GRID2IP: variants seen among roughly 807,000 people sequenced by gnomAD.
GRID2IP encodes Grid2 interacting protein, also known as delphilin.
In GRID2IP, 78 loss-of-function variants were observed where a neutral mutation model predicts 114.3. The observed-to-expected ratio is 0.68, with a 90% CI of 0.57 to 0.82. The LOEUF is 0.82. GRID2IP is among the 40% of genes least tolerant of loss of function. The probability of loss-of-function intolerance (pLI) is 0.00; values close to 1 mark genes in which losing one functional copy is unlikely to be tolerated. For synonymous variants in GRID2IP, 809 were observed against 724.0 expected (o/e 1.12, Z -1.89); for missense variants, 1,727 against 1,678.5 (o/e 1.03, Z -0.51).
Position 6,507,922 on chromosome 7 carries a change from C to T in GRID2IP, c.2544+63G>A, listed in dbSNP as rs1786641533. ...GATGCCTGGCCGATGGGTTTTCCTT[C>T]AGTGCTGCTGCCCAAGCCATCCTCC... On this transcript the variant is annotated intron_variant, in intron 13 of 21. Coordinates refer to ENST00000457091, the MANE Select transcript of GRID2IP (RefSeq NM_001145118.2). The surrounding 1 kb of genome is among the most constrained non-coding windows in gnomAD (Gnocchi z 5.3). 2.0e-6 allele frequency: 3 copies of T among 1,533,318 alleles called. No individual in the cohort carries two copies. Among genetic ancestry groups the T allele is most frequent in the Non-Finnish European group, 1.8e-6 (2 of 1,139,268 alleles). 95.0% of individuals were successfully genotyped at this position (1,533,318 alleles called of 1,614,324 possible). A position where few individuals can be genotyped will look rare whatever the true frequency, so the allele number is the denominator to read the frequency against.
chr7:6,530,659 G>A (rs1365916571), intron 2 of GRID2IP, among the ~76,000 whole-genome samples: 1 of 152,144 alleles, frequency 6.6e-6, no homozygotes, highest in African/African-American at 2.4e-5. Context: ...TTCAGTATAG[G>A]GAGCACGGCA....
In GRID2IP at chr7:6,526,273, G is replaced by T; in HGVS notation, c.870C>A (p.Gly290=). 6.4e-7 allele frequency: 1 copy of T among 1,552,038 alleles called. No homozygotes were observed. ...VRVYKGNKSF[G]FTLRGHGPVW... The stretch of plus-strand genomic sequence containing the variant: ...CAGGCCCGTGGCCGCGAAGTGTGAA[G>T]CCGAAGCTCTTGTTGCCTTTGTAGA... The change falls in exon 4 of 22, where the codon GGC becomes GGA. Residue 290 remains glycine, a synonymous_variant. Transcript: ENST00000457091. The surrounding 1 kb of genome is among the most constrained non-coding windows in gnomAD (Gnocchi z 7.6).
At position 6,506,959 on chromosome 7, in the gene GRID2IP, A is replaced by T. The variant is rs2115359699; in HGVS notation, c.2544+1026T>A. ...CAGCCTCCCAAAGTGCTGGGATTAC[A>T]GGCGTGAACCACCAAGCCTGGCCTC... On this transcript the variant is annotated intron_variant, in intron 13 of 21. Transcript: ENST00000457091. This position sits in a 1 kb window ranked among gnomAD's most constrained non-coding sequence, Gnocchi z 5.2. Among the ~76,000 whole-genome samples the T allele has an allele frequency of 6.6e-6, 1 of 152,228 alleles. No homozygotes were observed. The highest frequency in any genetic ancestry group is 3.4e-3 in the Middle Eastern group (1 of 294).
At chr7:6,533,710 T>C (rs1779676464) in intron 2 of GRID2IP, among the ~76,000 whole-genome samples, 2 of 149,862 alleles carry the variant, frequency 1.3e-5, no homozygotes, top group South Asian at 4.2e-4. Flanking sequence ...GGGGTCTTGC[T>C]GTGTTGTCTA....
chr7:6,503,156 GAC>G lies in GRID2IP; in HGVS notation c.2913_2914del (p.Val973SerfsTer28), dbSNP rs1229166565. The stretch of plus-strand genomic sequence containing the variant: ...CAGGCGTGTCTTGTATTCGGGAACT[GAC>G]AGCATCTGCCTCGAAGGCAGAGCCA... On this transcript the variant is annotated frameshift_variant, in exon 17 of 22. Transcript: ENST00000457091. LOFTEE classifies it high-confidence loss of function. 1 of 1,483,592 alleles carries G rather than the reference GAC, an allele frequency of 6.7e-7. No homozygotes were observed. The highest frequency in any genetic ancestry group is 1.4e-5 in the African/African-American group (1 of 70,982). 91.9% of individuals were successfully genotyped at this position (1,483,592 alleles called of 1,614,324 possible).
chr7:6,511,050 T>C lies in GRID2IP; in HGVS notation c.1424-11A>G. On this transcript the variant is annotated splice_polypyrimidine_tract_variant and intron_variant, in intron 8 of 21. Coordinates refer to ENST00000457091, the MANE Select transcript of GRID2IP (RefSeq NM_001145118.2). ...CAGGCTCCGGCTCTGCTGTGGGACA[T>C]GCAGGGAACATGGGGCCCTCTTGCC... 7.1e-7 allele frequency: 1 copy of C among 1,413,744 alleles called. No homozygotes were observed. The highest frequency in any genetic ancestry group is 9.3e-7 in the Non-Finnish European group (1 of 1,079,750). 87.6% of individuals were successfully genotyped at this position (1,413,744 alleles called of 1,614,324 possible).
At chr7:6,503,409 G>A in intron 16 of GRID2IP, 82 bp downstream of exon 16, 4 of 1,334,488 alleles carry the variant, frequency 3.0e-6, no homozygotes, top group South Asian at 1.5e-5. Flanking sequence ...CCGAAGGCGC[G>A]CGGGACCCCA....
In GRID2IP at chr7:6,509,352, A is replaced by G; in HGVS notation, c.1772-39T>C. 1 of 1,453,842 alleles carries G rather than the reference A, an allele frequency of 6.9e-7. No individual in the cohort carries two copies. The highest frequency in any genetic ancestry group is 9.1e-7 in the Non-Finnish European group (1 of 1,098,890). The allele number at this position is 1,453,842 out of a possible 1,614,324, so 90.1% of individuals were successfully genotyped here. On this transcript the variant is annotated intron_variant, in intron 11 of 21. Transcript: ENST00000457091. This position sits in a 1 kb window ranked among gnomAD's most constrained non-coding sequence, Gnocchi z 4.9. ...GGAGTATGAGGATTCCTCTTCAGCC[A>G]GCACCGAGGTTCCAGGTGCAAGCTG...
chr7:6,546,445 T>A (rs1779889357), intron 1 of GRID2IP, among the ~76,000 whole-genome samples: 1 of 151,284 alleles, frequency 6.6e-6, no homozygotes, highest in Non-Finnish European at 1.5e-5. Context: ...GGTACATGCC[T>A]GTAATCCCAG....
At chr7:6,549,818 A>G (rs1425050006) in intron 1 of GRID2IP, among the ~76,000 whole-genome samples, 1 of 147,938 alleles carries the variant, frequency 6.8e-6, no homozygotes, top group Non-Finnish European at 1.5e-5. Context: ...TTTGATAGTG[A>G]TGGGATTTCA....
chr7:6,518,989 G>T (rs1460815798), intron 7 of GRID2IP, among the ~76,000 whole-genome samples: 2 of 151,844 alleles, frequency 1.3e-5, no homozygotes, highest in Non-Finnish European at 2.9e-5. Flanking sequence ...TGTGATCTTG[G>T]CTCACTGCAA....
chr7:6,539,711 G>T lies in GRID2IP; in HGVS notation c.584+7C>A. 6.5e-7 allele frequency: 1 copy of T among 1,542,692 alleles called. No individual in the cohort carries two copies. Among genetic ancestry groups the T allele is most frequent in the Non-Finnish European group, 8.7e-7 (1 of 1,142,940 alleles). On this transcript the variant is annotated splice_region_variant and intron_variant, in intron 2 of 21. Coordinates refer to ENST00000457091, the MANE Select transcript of GRID2IP (RefSeq NM_001145118.2). ...TGCCTGTCTATCCTGCCCCCTGCCC[G>T]CAGTACCTGAGGTTGTCCAGGAGTG...
intron 1 of GRID2IP, 71 bp downstream of exon 1, chr7:6,550,937 G>A (rs1296222469): frequency 2.0e-5 from 24 of 1,193,018 alleles, no homozygotes; most frequent in Non-Finnish European, 2.5e-5. Context: ...GGAGAGCGGC[G>A]CCCGGCCCAC....
At position 6,498,218 on chromosome 7, in the gene GRID2IP, T is replaced by C. The variant is rs1786314287; in HGVS notation, c.3410A>G (p.Glu1137Gly). ...KFAMVMSSFL[E>G]TAQPALRALD... ...CGCCCGAAGTGCTGGCTGGGCCGTC[T>C]CCAGGAAGGACTGACAGGCCTCAGT... The change falls in exon 21 of 22, where the codon GAG becomes GGG. Residue 1137 changes from glutamate to glycine, a missense_variant. By Grantham distance (98) the Glu-to-Gly change is moderately conservative. Transcript: ENST00000457091. 3 of 1,543,804 alleles carry C rather than the reference T, an allele frequency of 1.9e-6. No individual in the cohort carries two copies. The highest frequency in any genetic ancestry group is 1.4e-5 in the African/African-American group (1 of 72,570).
At chr7:6,501,736 C>T in intron 20 of GRID2IP, 45 bp downstream of exon 20, 1 of 1,436,302 alleles carries the variant, frequency 7.0e-7, no homozygotes, top group Non-Finnish European at 9.6e-7. Flanking sequence ...TACCCAACCA[C>T]CCCAGGATCC....
chr7:6,522,046 G>T, intron 4 of GRID2IP, 89 bp from the exon 5 acceptor site: 2 of 1,083,726 alleles, frequency 1.8e-6, no homozygotes, highest in Admixed American at 2.0e-5. Flanking sequence ...GGCGAGAAAT[G>T]GAGACTCAGA....
In GRID2IP at chr7:6,551,398, C is replaced by T. The variant is rs760353118; in HGVS notation, c.39G>A (p.Trp13Ter). 10 of 1,547,662 alleles carry T rather than the reference C, an allele frequency of 6.5e-6. No homozygotes were observed. The South Asian group carries it at 1.2e-4, about 19-fold the overall frequency. The change falls in exon 1 of 22, where the codon TGG becomes TGA. Residue 13 changes from tryptophan to a stop codon, truncating the protein, a stop_gained. Transcript: ENST00000457091. LOFTEE classifies it high-confidence loss of function. ...TTATPATNQG[W>*]PEDFGFRLGG... ...CTAGCCGGAAGCCAAAGTCCTCTGG[C>T]CAGCCCTGGTTCGTGGCCGGCGTGG...
chr7:6,514,631 C>T (rs2115063055), intron 7 of GRID2IP, 102 bp from the exon 8 acceptor site: 4 of 1,056,654 alleles, frequency 3.8e-6, no homozygotes, highest in South Asian at 2.0e-5. Flanking sequence ...CAGCGTCTGC[C>T]CTCATGCCCT....
At chr7:6,500,981 T>C (rs898052570) in intron 20 of GRID2IP, among the ~76,000 whole-genome samples, 7 of 152,342 alleles carry the variant, frequency 4.6e-5, no homozygotes, top group Non-Finnish European at 8.8e-5. Flanking sequence ...AGAGGACAGA[T>C]GGTACAGTGG....
Sources: gnomAD v4.1 joint callset for allele counts (sites outside exome capture counted in the v4.1 genomes callset) on GRCh38, gnomAD v4.1.1 for gene constraint, Gnocchi (gnomAD v3.1) non-coding constraint, MANE v1.5 for transcripts, NCBI Gene and HGNC (gene_info 2026-07-23, HGNC 2026-07-21) for gene names.